Variants in RBFOX2 observed in about 807,000 individuals in gnomAD.
RBFOX2 encodes RNA binding protein fox-1 homolog 2.
A neutral mutation model predicts 49.1 loss-of-function variants in RBFOX2; 10 were observed. That is an observed-to-expected ratio of 0.20 (90% CI 0.13 to 0.35). The LOEUF is 0.35. Ranked by LOEUF, RBFOX2 falls within the 10% of genes least tolerant of loss-of-function variation. The pLI is 1.00. For synonymous variants in RBFOX2, 183 were observed against 187.4 expected (o/e 0.98, Z 0.19); for missense variants, 323 against 486.9 (o/e 0.66, Z 3.17).
chr22:35,809,815 T>C lies in RBFOX2; in HGVS notation c.217A>G (p.Ser73Gly), dbSNP rs140124454. ...CCATTTTGTGTGCTGGGTGAGTTGC[T>C]GCTCTGCTCCCCGTGGGCTTGCGTA... Residue 73 changes from serine to glycine, a missense_variant, in exon 2 of 12, where the codon AGC becomes GGC. Around this residue, in one of 2 missense-constraint regions of RBFOX2, gnomAD observed 123 missense variants for 116.9 expected, o/e 1.05. Transcript: ENST00000405409. 405 of 1,614,054 alleles carry C rather than the reference T, an allele frequency of 2.5e-4. 3 individuals carry two copies. The highest frequency in any genetic ancestry group is 1.2e-3 in the Admixed American group (72 of 60,008).
chr22:35,993,370 T>C (rs1201930594), intron 1 of RBFOX2: 1 of 152,212 alleles, frequency 6.6e-6, no homozygotes, highest in Non-Finnish European at 1.5e-5. Flanking sequence ...GTGGATGTAA[T>C]GGTTTTAAAA....
At chr22:35,850,151 T>A (rs1406313869) in intron 1 of RBFOX2, among the ~76,000 whole-genome samples, 1 of 151,332 alleles carries the variant, frequency 6.6e-6, no homozygotes, top group Admixed American at 6.6e-5. Context: ...GCGGGGAGCA[T>A]GTACCCGTGT....
At chr22:36,015,898 T>G (rs1198730104) in intron 1 of RBFOX2, among the ~76,000 whole-genome samples, 1 of 152,186 alleles carries the variant, frequency 6.6e-6, no homozygotes, top group Non-Finnish European at 1.5e-5. Context: ...AGGCTGTAAG[T>G]GTGACTGTAT....
intron 1 of RBFOX2, among the ~76,000 whole-genome samples, chr22:35,927,604 CAA>C (rs361700): frequency 8.1e-5 from 4 of 49,192 alleles, no homozygotes; most frequent in African/African-American, 1.5e-4. Context: ...AACTCCGTCT[CAA>C]AAAAAAAAAA....
intron 1 of RBFOX2, among the ~76,000 whole-genome samples, chr22:35,915,413 C>G (rs961065694): frequency 2.0e-5 from 3 of 152,174 alleles, no homozygotes; most frequent in African/African-American, 7.2e-5. Context: ...TCTTATTACC[C>G]CAAACAACTC....
At chr22:35,921,604 T>A (rs2051033744) in intron 1 of RBFOX2, among the ~76,000 whole-genome samples, 1 of 152,192 alleles carries the variant, frequency 6.6e-6, no homozygotes, top group African/African-American at 2.4e-5. Context: ...TAGAAGCTAA[T>A]ACTGCACATC....
intron 6 of RBFOX2, among the ~76,000 whole-genome samples, chr22:35,764,027 T>TA (rs1419528137): frequency 2.0e-5 from 3 of 152,224 alleles, no homozygotes; most frequent in South Asian, 2.1e-4. Flanking sequence ...TTTGAGTTTT[T>TA]ATCAAAATTG....
At position 35,938,293 on chromosome 22, in the gene RBFOX2, C is replaced by T. The variant is rs1013250182; in HGVS notation, c.-34+554G>A. Among the ~76,000 whole-genome samples the T allele has an allele frequency of 4.6e-5, 7 of 152,140 alleles. No homozygotes were observed. The East Asian group carries it at 7.7e-4, about 17-fold the overall frequency. Reference sequence around the variant, plus strand: ...TGCCTAAACCATACTGAGGGTGTCTCGTAGGAAGCAATTCTGCTCTGACCC... The same window carrying T: ...TGCCTAAACCATACTGAGGGTGTCTTGTAGGAAGCAATTCTGCTCTGACCC... On this transcript the variant is annotated intron_variant, in intron 1 of 13. Coordinates refer to the RBFOX2 transcript ENST00000359369.
intron 1 of RBFOX2, among the ~76,000 whole-genome samples, chr22:35,908,710 CA>C (rs1365793245): frequency 3.3e-5 from 5 of 152,054 alleles, no homozygotes; most frequent in African/African-American, 1.2e-4. Context: ...ATTACCACCA[CA>C]ATAGCCAATT....
intron 5 of RBFOX2, among the ~76,000 whole-genome samples, chr22:35,766,971 G>C (rs1033718637): frequency 2.6e-5 from 4 of 152,110 alleles, no homozygotes; most frequent in African/African-American, 9.7e-5. Flanking sequence ...AGTCAGGAAG[G>C]GTGTAACGGG....
intron 1 of RBFOX2, among the ~76,000 whole-genome samples, chr22:35,916,621 C>T (rs915849644): frequency 5.9e-5 from 9 of 152,174 alleles, no homozygotes; most frequent in South Asian, 2.1e-4. Context: ...GTGGGCCGGC[C>T]GTGGTAGCTC....
chr22:35,742,415 A>G (rs551468737), exon 12 of RBFOX2: 7 of 152,816 alleles, frequency 4.6e-5, no homozygotes, highest in African/African-American at 9.6e-5. Context: ...TGATGCTGTC[A>G]TAGGTCAGTC....
At chr22:35,951,135 T>C (rs2054872853) in intron 1 of RBFOX2, among the ~76,000 whole-genome samples, 2 of 151,474 alleles carry the variant, frequency 1.3e-5, no homozygotes, top group Admixed American at 6.6e-5. Context: ...TTTGTATTTT[T>C]AGTAGAGACG....
intron 1 of RBFOX2, among the ~76,000 whole-genome samples, chr22:36,008,114 T>C (rs2058685092): frequency 6.6e-6 from 1 of 152,196 alleles, no homozygotes; most frequent in Non-Finnish European, 1.5e-5. Context: ...TTCATGGAAG[T>C]TATGTGACTT....
At chr22:35,851,143 C>T (rs1308356016) in intron 1 of RBFOX2, among the ~76,000 whole-genome samples, 1 of 152,062 alleles carries the variant, frequency 6.6e-6, no homozygotes, top group Admixed American at 6.5e-5. Context: ...TAGGATTGTT[C>T]AGAAGAAACA....
chr22:35,930,127 T>C (rs958202635), intron 1 of RBFOX2, among the ~76,000 whole-genome samples: 1 of 151,176 alleles, frequency 6.6e-6, no homozygotes, highest in Non-Finnish European at 1.5e-5. Flanking sequence ...GTTCAAGCGA[T>C]TCTCGTGCCT....
chr22:35,909,585 C>CA (rs2049533207), intron 1 of RBFOX2, among the ~76,000 whole-genome samples: 1 of 152,112 alleles, frequency 6.6e-6, no homozygotes. Context: ...TAGTATGCAA[C>CA]AATCTATCAT....
intron 4 of RBFOX2, among the ~76,000 whole-genome samples, chr22:35,774,502 G>C (rs970322928): frequency 3.3e-5 from 5 of 152,204 alleles, no homozygotes; most frequent in African/African-American, 1.2e-4. Context: ...GTGATTCTAT[G>C]TTTTTATAAA....
intron 9 of RBFOX2, among the ~76,000 whole-genome samples, chr22:35,757,116 C>A (rs1279830107): frequency 2.6e-5 from 4 of 151,770 alleles, no homozygotes; most frequent in Non-Finnish European, 4.4e-5. Context: ...AAAGATCACC[C>A]TGTCTTATTT....
Sources: allele counts gnomAD v4.1 joint callset (sites outside exome capture counted in the v4.1 genomes callset), GRCh38; gene constraint gnomAD v4.1.1; regional missense constraint gnomAD v4.1.1; transcripts MANE v1.5; gene names NCBI Gene and HGNC (gene_info 2026-07-23, HGNC 2026-07-21).